Variants in RANBP2 observed in about 807,000 individuals in gnomAD.
RANBP2 encodes the protein RAN binding protein 2.
Under a neutral mutation model 303.6 loss-of-function variants are expected in RANBP2, and 57 were observed. The observed-to-expected ratio is 0.19, with a 90% CI of 0.15 to 0.23. The LOEUF (loss-of-function observed/expected upper bound fraction) is 0.23, where lower values mean the gene tolerates loss of function less well. RANBP2 is among the 10% of genes least tolerant of loss of function. The probability of loss-of-function intolerance (pLI) is 1.00; values close to 1 mark genes in which losing one functional copy is unlikely to be tolerated. For missense variants in RANBP2, 3,138 were observed against 3,780.8 expected, an observed-to-expected ratio of 0.83 and a Z score of 4.46; for synonymous variants, 1,167 against 1,301.5, an observed-to-expected ratio of 0.90 and a Z score of 2.23.
chr2:109,501,638 C>A, the RANBP2 span: 6 of 776,014 alleles, frequency 7.7e-6, no homozygotes, highest in Non-Finnish European at 1.2e-5. Context: ...GCCGCACAGG[C>A]CTCTTCCCGG....
At chr2:108,868,331 A>G in the RANBP2 span, among the ~76,000 whole-genome samples, 1 of 152,200 alleles carries the variant, frequency 6.6e-6, no homozygotes, top group Non-Finnish European at 1.5e-5. Flanking sequence ...GAGATTGGTT[A>G]TGTCTTCAGG....
At chr2:109,728,193 C>A in the RANBP2 span, among the ~76,000 whole-genome samples, 1 of 152,166 alleles carries the variant, frequency 6.6e-6, no homozygotes, top group African/African-American at 2.4e-5. Context: ...CAGAAGCCAG[C>A]AGCAACTTGT....
At chr2:108,896,759 T>C in the RANBP2 span, 1 of 750,446 alleles carries the variant, frequency 1.3e-6, no homozygotes, top group Non-Finnish European at 2.1e-6. Flanking sequence ...ACAGGCCTTA[T>C]TTCGTCTGGC....
intron 2 of RANBP2, 69 bp from the exon 3 acceptor site, chr2:108,730,705 A>G (rs1695098219): frequency 1.3e-6 from 2 of 1,562,494 alleles, no homozygotes; most frequent in South Asian, 2.2e-5. Flanking sequence ...TTTAAGATGT[A>G]TTCTTCGGTT....
At position 108,719,706 on chromosome 2, in the gene RANBP2, C is replaced by T. The variant is rs557379177; in HGVS notation, c.72+28C>T. 1.7e-5 allele frequency: 27 copies of T among 1,577,330 alleles called. No homozygotes were observed. In the East Asian group the frequency reaches 2.3e-4, roughly 13 times the overall value. ...GAGTGGGTCTCGAAGAGACCGACGG[C>T]CTCGACCTGGCCGGGCGGCGGCCTC... On this transcript the variant is annotated intron_variant, in intron 1 of 28. Coordinates refer to ENST00000283195, the MANE Select transcript of RANBP2 (RefSeq NM_006267.5).
At chr2:109,263,946 G>A in the RANBP2 span, among the ~76,000 whole-genome samples, 2 of 152,202 alleles carry the variant, frequency 1.3e-5, no homozygotes, top group South Asian at 2.1e-4. Flanking sequence ...TCCAGCCTGG[G>A]CAACAGAACG....
At chr2:109,353,872 C>T in the RANBP2 span, among the ~76,000 whole-genome samples, 1 of 152,100 alleles carries the variant, frequency 6.6e-6, no homozygotes, top group Non-Finnish European at 1.5e-5. Context: ...GCCGCAGGTT[C>T]CCCTCAGCCC....
the RANBP2 span, among the ~76,000 whole-genome samples, chr2:108,851,941 G>A: frequency 9.2e-5 from 14 of 152,188 alleles, no homozygotes; most frequent in South Asian, 6.2e-4. Flanking sequence ...GTGCCAAAAC[G>A]ATACAATCTG....
the RANBP2 span, chr2:109,667,267 C>T: frequency 1.3e-6 from 1 of 766,224 alleles, no homozygotes; most frequent in Non-Finnish European, 2.3e-6. Context: ...CAGAGACCAA[C>T]CATCATAAGC....
the RANBP2 span, among the ~76,000 whole-genome samples, chr2:109,137,533 C>T: frequency 6.6e-6 from 1 of 152,190 alleles, no homozygotes; most frequent in Non-Finnish European, 1.5e-5. Flanking sequence ...TCTGAAGATT[C>T]TTTTAATTTT....
chr2:109,078,722 C>T, the RANBP2 span, among the ~76,000 whole-genome samples: 4 of 150,308 alleles, frequency 2.7e-5, no homozygotes, highest in East Asian at 5.8e-4. Flanking sequence ...TTGGTGCGCG[C>T]CTGTAATCCC....
the RANBP2 span, among the ~76,000 whole-genome samples, chr2:109,473,846 TCCCTGAACCGCTCTCCTTGTGC>T: frequency 3.2e-4 from 49 of 152,110 alleles, no homozygotes; most frequent in East Asian, 1.4e-3. Context: ...TTTTGGGGTG[TCCCTGAACCGCTCTCCTTGTGC>T]CCCTGAACCG....
At chr2:109,128,996 C>A in the RANBP2 span, 1 of 425,972 alleles carries the variant, frequency 2.3e-6, no homozygotes, top group Non-Finnish European at 4.7e-6. Context: ...GTGCTCGCGG[C>A]CGAGGAAGAG....
the RANBP2 span, among the ~76,000 whole-genome samples, chr2:109,390,229 C>T: frequency 6.6e-6 from 1 of 152,334 alleles, no homozygotes; most frequent in South Asian, 2.1e-4. Context: ...CCTTCACACA[C>T]TTCTTTGCCC....
chr2:109,720,033 G>A, the RANBP2 span, among the ~76,000 whole-genome samples: 1 of 152,088 alleles, frequency 6.6e-6, no homozygotes, highest in African/African-American at 2.4e-5. Context: ...GCTAGATTCT[G>A]GACTATCACT....
chr2:109,194,373 A>G, the RANBP2 span, among the ~76,000 whole-genome samples: 1 of 152,052 alleles, frequency 6.6e-6, no homozygotes, highest in Non-Finnish European at 1.5e-5. Flanking sequence ...GTCTGCTGCC[A>G]CCCCTGCTTC....
chr2:109,194,670 A>C, the RANBP2 span, among the ~76,000 whole-genome samples: 1,296 of 152,268 alleles, frequency 8.5e-3, 28 homozygotes, highest in African/African-American at 0.03. Flanking sequence ...TGATCAGCAG[A>C]GCTTAGGTTT....
chr2:109,578,121 AAAAT>A, the RANBP2 span, among the ~76,000 whole-genome samples: 1 of 152,244 alleles, frequency 6.6e-6, no homozygotes, highest in East Asian at 1.9e-4. Flanking sequence ...CAAGAAAGGA[AAAAT>A]AAATATAGAA....
the RANBP2 span, among the ~76,000 whole-genome samples, chr2:109,498,999 G>T: frequency 5.3e-5 from 8 of 152,176 alleles, no homozygotes; most frequent in Non-Finnish European, 1.0e-4. Flanking sequence ...GAATGCTGGG[G>T]CGTTTAGACT....
Sources: allele counts gnomAD v4.1 joint callset (sites outside exome capture counted in the v4.1 genomes callset), GRCh38; gene constraint gnomAD v4.1.1; transcripts MANE v1.5; gene names NCBI Gene and HGNC (gene_info 2026-07-23, HGNC 2026-07-21).